SPAG17: variants seen among roughly 807,000 people sequenced by gnomAD.
The protein encoded by SPAG17 is sperm associated antigen 17.
SPAG17 carries 169 observed loss-of-function variants against 273.6 expected under a neutral mutation model. The ratio of observed to expected loss-of-function variants is 0.62; its 90% CI spans 0.55 to 0.70. SPAG17 has a LOEUF of 0.70. SPAG17 is among the 30% of genes least tolerant of loss of function. The pLI is 0.00. For synonymous variants in SPAG17, 825 were observed against 873.2 expected (o/e 0.94, Z 0.97); for missense variants, 2,557 against 2,627.8 (o/e 0.97, Z 0.59).
chr1:118,144,847 G>C (rs1046662169), intron 3 of SPAG17, among the ~76,000 whole-genome samples: 6 of 152,052 alleles, frequency 3.9e-5, no homozygotes, highest in Non-Finnish European at 1.5e-5. Flanking sequence ...GGCCAGGCTT[G>C]CCTTAATCAA....
intron 48 of SPAG17, chr1:117,957,316 C>G (rs1652360699): frequency 7.9e-7 from 1 of 1,269,676 alleles, no homozygotes; most frequent in Admixed American, 2.7e-5. Context: ...GTGGCTCACA[C>G]CCGTAATCCC....
In SPAG17 at chr1:117,984,678, A is replaced by C. The variant is rs1040265312; in HGVS notation, c.5769+5T>G. Reference sequence around the variant, plus strand: ...ATTAGATTATAGTTCATTATATTCAATTACCTGAGACTGATATAACTGGTT... The same window carrying C: ...ATTAGATTATAGTTCATTATATTCACTTACCTGAGACTGATATAACTGGTT... On this transcript the variant is annotated splice_donor_5th_base_variant and intron_variant, in intron 41 of 48. Transcript: ENST00000336338. The C allele has an allele frequency of 6.4e-7, 1 of 1,553,644 alleles. No homozygotes were observed. The highest frequency in any genetic ancestry group is 8.8e-7 in the Non-Finnish European group (1 of 1,132,442).
intron 48 of SPAG17, 117 bp downstream of exon 48, chr1:117,963,682 C>G: frequency 1.1e-6 from 1 of 942,594 alleles, no homozygotes; most frequent in South Asian, 2.0e-5. Context: ...TATTTTCATT[C>G]ATTCAGGCCA....
At chr1:118,181,528 A>G (rs1164734684) in intron 1 of SPAG17, among the ~76,000 whole-genome samples, 1 of 152,134 alleles carries the variant, frequency 6.6e-6, no homozygotes, top group Non-Finnish European at 1.5e-5. Context: ...ACAAAAAAAG[A>G]CTTTAAGTCA....
intron 18 of SPAG17, among the ~76,000 whole-genome samples, chr1:118,064,730 G>T: frequency 6.7e-6 from 1 of 149,416 alleles, no homozygotes; most frequent in East Asian, 1.9e-4. Flanking sequence ...AAAACTTAAA[G>T]TATAATAATA....
chr1:118,140,772 A>AT (rs1658637808), intron 3 of SPAG17, among the ~76,000 whole-genome samples: 1 of 152,108 alleles, frequency 6.6e-6, no homozygotes, highest in Non-Finnish European at 1.5e-5. Context: ...GCCAGAAAAT[A>AT]TTTTTTAAAA....
chr1:118,064,416 A>G (rs1397659016), intron 18 of SPAG17, among the ~76,000 whole-genome samples: 1 of 151,718 alleles, frequency 6.6e-6, no homozygotes, highest in Admixed American at 6.6e-5. Context: ...ATAAAAAATG[A>G]AGAGTTCATG....
rs757900076 is a variant in SPAG17, at chr1:117,953,973, T to G, written c.*77A>C. 5 of 1,565,002 alleles carry G rather than the reference T, an allele frequency of 3.2e-6. No individual in the cohort carries two copies. The highest frequency in any genetic ancestry group is 4.4e-6 in the Non-Finnish European group (5 of 1,145,462). Reference sequence around the variant, plus strand: ...AGTGTCCTGGGATGATGGAGTATGTTGTGATGACTTCTTTCCTTTCTCATC... The same window carrying G: ...AGTGTCCTGGGATGATGGAGTATGTGGTGATGACTTCTTTCCTTTCTCATC... On this transcript the variant is annotated 3_prime_UTR_variant, in exon 49 of 49. Transcript: ENST00000336338.
chr1:118,005,297 A>G (rs1208920978), intron 32 of SPAG17, 117 bp downstream of exon 32: 1 of 785,732 alleles, frequency 1.3e-6, no homozygotes, highest in East Asian at 2.8e-5. Context: ...TATTGGCAGT[A>G]AGTGGATAAT....
chr1:118,018,256 T>A (rs188030583), intron 28 of SPAG17, among the ~76,000 whole-genome samples: 3 of 152,160 alleles, frequency 2.0e-5, no homozygotes, highest in African/African-American at 7.2e-5. Flanking sequence ...TCAGACTAAG[T>A]GTGGATTATT....
At chr1:118,174,539 A>G (rs747759450) in intron 1 of SPAG17, among the ~76,000 whole-genome samples, 7 of 152,230 alleles carry the variant, frequency 4.6e-5, no homozygotes, top group Non-Finnish European at 8.8e-5. Flanking sequence ...GATAAGAGAG[A>G]GTGAAAGAGG....
At chr1:118,182,653 C>T (rs1396359273) in intron 1 of SPAG17, among the ~76,000 whole-genome samples, 1 of 152,022 alleles carries the variant, frequency 6.6e-6, no homozygotes, top group African/African-American at 2.4e-5. Context: ...CAACGTAGAC[C>T]CAGAAGTGGT....
intron 18 of SPAG17, among the ~76,000 whole-genome samples, chr1:118,064,175 T>G (rs1327484607): frequency 6.6e-6 from 1 of 152,186 alleles, no homozygotes; most frequent in Non-Finnish European, 1.5e-5. Flanking sequence ...GAAGTCAGTG[T>G]GGCGATTCCT....
At chr1:118,167,689 T>G (rs2102385914) in intron 1 of SPAG17, among the ~76,000 whole-genome samples, 1 of 152,224 alleles carries the variant, frequency 6.6e-6, no homozygotes, top group South Asian at 2.1e-4. Flanking sequence ...AGTAGAGATT[T>G]TAGGTACATT....
intron 25 of SPAG17, 65 bp downstream of exon 25, chr1:118,031,627 G>T (rs999032273): frequency 4.0e-6 from 6 of 1,512,156 alleles, no homozygotes; most frequent in Non-Finnish European, 5.5e-6. Flanking sequence ...CATAAGTCAT[G>T]GTTTTAAAAA....
chr1:118,136,569 C>G (rs1658368027), intron 3 of SPAG17, among the ~76,000 whole-genome samples: 1 of 152,178 alleles, frequency 6.6e-6, no homozygotes, highest in Non-Finnish European at 1.5e-5. Flanking sequence ...GGCAGAACTT[C>G]CAGCACCTCT....
intron 3 of SPAG17, among the ~76,000 whole-genome samples, chr1:118,129,877 C>G (rs549726208): frequency 1.3e-5 from 2 of 152,086 alleles, no homozygotes; most frequent in African/African-American, 4.8e-5. Flanking sequence ...TTTCAGAGGA[C>G]AGCCTGGAGT....
intron 19 of SPAG17, among the ~76,000 whole-genome samples, chr1:118,054,313 T>C (rs929880236): frequency 6.6e-6 from 1 of 152,034 alleles, no homozygotes; most frequent in South Asian, 2.1e-4. Flanking sequence ...TGCATTCCAT[T>C]CTCAGTGTGT....
chr1:117,975,679 A>G (rs1655053794), intron 43 of SPAG17, among the ~76,000 whole-genome samples: 1 of 152,178 alleles, frequency 6.6e-6, no homozygotes, highest in Non-Finnish European at 1.5e-5. Flanking sequence ...CATGCCAGTA[A>G]AGCCCTATTC....
Sources: allele counts gnomAD v4.1 joint callset (sites outside exome capture counted in the v4.1 genomes callset), GRCh38; gene constraint gnomAD v4.1.1; transcripts MANE v1.5; gene names NCBI Gene and HGNC (gene_info 2026-07-23, HGNC 2026-07-21).